Variants in STARD13 observed in about 807,000 individuals in gnomAD.
The protein encoded by STARD13 is StAR related lipid transfer domain containing 13.
A neutral mutation model predicts 106.4 loss-of-function variants in STARD13; 62 were observed. The ratio of observed to expected loss-of-function variants is 0.58; its 90% CI spans 0.48 to 0.72. The LOEUF is 0.72. Among genes scored for constraint, STARD13 ranks in the 30% least tolerant of loss-of-function variants. The pLI, the probability that STARD13 is intolerant of heterozygous loss-of-function variation, is 0.00. For synonymous variants in STARD13, 565 were observed against 553.0 expected (o/e 1.02, Z -0.31); for missense variants, 1,387 against 1,424.0 (o/e 0.97, Z 0.42).
the STARD13 span, among the ~76,000 whole-genome samples, chr13:33,361,108 A>AT: frequency 2.0e-5 from 3 of 149,934 alleles, no homozygotes; most frequent in Non-Finnish European, 3.0e-5. Flanking sequence ...CCTGGCCTGG[A>AT]TTTTTTTTCA....
the STARD13 span, among the ~76,000 whole-genome samples, chr13:33,476,847 C>T: frequency 6.6e-6 from 1 of 152,212 alleles, no homozygotes; most frequent in Non-Finnish European, 1.5e-5. Flanking sequence ...CTGAAAAAGA[C>T]ACTGACTCCT....
Position 33,293,557 on chromosome 13 carries a change from C to T in STARD13, c.124+56733G>A, listed in dbSNP as rs1594228749. Among the ~76,000 whole-genome samples, 4 of 152,206 alleles carry T rather than the reference C, an allele frequency of 2.6e-5. 1 individual carries two copies. Among genetic ancestry groups the T allele is most frequent in the Admixed American group, 2.6e-4 (4 of 15,278 alleles). ...GCCTTAAATACTGTGATGGTTAATA[C>T]TGAGTGTCAACTTGACTGGATTTAA... On this transcript the variant is annotated intron_variant, in intron 1 of 5. Transcript: ENST00000567873.
the STARD13 span, among the ~76,000 whole-genome samples, chr13:33,449,141 C>T: frequency 6.7e-6 from 1 of 150,354 alleles, no homozygotes; most frequent in Admixed American, 6.6e-5. Context: ...GTTGCCTATG[C>T]TTTTGAAGTT....
intron 4 of STARD13, among the ~76,000 whole-genome samples, chr13:33,131,182 G>T (rs1454498958): frequency 1.6e-4 from 25 of 152,188 alleles, no homozygotes; most frequent in Admixed American, 1.6e-3. Flanking sequence ...TTGACCTAGA[G>T]CATATCATTT....
At chr13:33,606,974 C>A in the STARD13 span, among the ~76,000 whole-genome samples, 1 of 152,198 alleles carries the variant, frequency 6.6e-6, no homozygotes, top group Non-Finnish European at 1.5e-5. Context: ...CCGGGTTAAT[C>A]TCTTTGTTTA....
upstream of STARD13, among the ~76,000 whole-genome samples, chr13:33,287,634 A>G (rs920572516): frequency 6.6e-6 from 1 of 152,178 alleles, no homozygotes; most frequent in African/African-American, 2.4e-5. Flanking sequence ...CATATTGCAA[A>G]GTTGGCTGCC....
At chr13:33,236,668 AT>A (rs1889205443) in intron 1 of STARD13, among the ~76,000 whole-genome samples, 1 of 152,182 alleles carries the variant, frequency 6.6e-6, no homozygotes, top group Non-Finnish European at 1.5e-5. Context: ...AATCCTTATT[AT>A]CTTGAGTCCT....
intron 8 of STARD13, chr13:33,113,237 T>G: frequency 2.3e-6 from 1 of 427,724 alleles, no homozygotes; most frequent in Non-Finnish European, 4.3e-6. Context: ...ATCAACCCAC[T>G]CACCTGCTTT....
At chr13:33,471,638 T>G in the STARD13 span, among the ~76,000 whole-genome samples, 1 of 152,022 alleles carries the variant, frequency 6.6e-6, no homozygotes, top group Non-Finnish European at 1.5e-5. Context: ...CCCCTGTTTT[T>G]TTTTTTTTTT....
intron 1 of STARD13, chr13:33,279,468 T>C (rs1197896275): frequency 1.3e-5 from 2 of 152,238 alleles, no homozygotes; most frequent in Non-Finnish European, 2.9e-5. Context: ...AAGCTAAAGT[T>C]ACAGAACCCA....
chr13:33,327,774 G>A (rs2077793147), intron 1 of STARD13, among the ~76,000 whole-genome samples: 1 of 152,212 alleles, frequency 6.6e-6, no homozygotes, highest in Non-Finnish European at 1.5e-5. Flanking sequence ...TGGTAAAGGT[G>A]CTACATTTAT....
chr13:33,480,433 A>G, the STARD13 span, among the ~76,000 whole-genome samples: 1 of 152,194 alleles, frequency 6.6e-6, no homozygotes, highest in Non-Finnish European at 1.5e-5. Flanking sequence ...ATGAATATTA[A>G]GTGTTTCTGG....
chr13:33,423,074 C>A, the STARD13 span, among the ~76,000 whole-genome samples: 363 of 152,284 alleles, frequency 2.4e-3, 2 homozygotes, highest in African/African-American at 8.6e-3. Flanking sequence ...GCAATGGCGA[C>A]AAAAGCCAAA....
chr13:33,428,599 TA>T, the STARD13 span, among the ~76,000 whole-genome samples: 1 of 151,688 alleles, frequency 6.6e-6, no homozygotes, highest in Non-Finnish European at 1.5e-5. Flanking sequence ...GAGGTGAAAA[TA>T]AAAAACACAA....
chr13:33,325,201 C>T (rs9537203), intron 1 of STARD13, among the ~76,000 whole-genome samples: 92,268 of 151,966 alleles, frequency 0.61, 29,595 homozygotes, highest in East Asian at 0.94. Flanking sequence ...TTTAGTGTAG[C>T]CAACACTACT....
chr13:33,325,869 C>G (rs2077768452), intron 1 of STARD13, among the ~76,000 whole-genome samples: 1 of 151,718 alleles, frequency 6.6e-6, no homozygotes, highest in African/African-American at 2.4e-5. Context: ...CCTGTAGTCC[C>G]AGCTACTTGG....
the STARD13 span, among the ~76,000 whole-genome samples, chr13:33,570,064 AT>A: frequency 1.0e-4 from 15 of 147,668 alleles, 2 homozygotes; most frequent in Admixed American, 8.4e-4. Context: ...ACAAAAACTA[AT>A]GAAATACAAA....
intron 7 of STARD13, among the ~76,000 whole-genome samples, chr13:33,123,730 T>G (rs182561320): frequency 6.6e-6 from 1 of 151,920 alleles, no homozygotes; most frequent in Admixed American, 6.5e-5. Flanking sequence ...CATGCAGGAG[T>G]GTGGAAGACA....
chr13:33,495,218 TACCTGTCA>T, the STARD13 span, among the ~76,000 whole-genome samples: 1 of 152,244 alleles, frequency 6.6e-6, no homozygotes, highest in Non-Finnish European at 1.5e-5. Flanking sequence ...CTTGTGATTG[TACCTGTCA>T]ATTAAAAAAC....
Sources: gnomAD v4.1 joint callset for allele counts (sites outside exome capture counted in the v4.1 genomes callset) on GRCh38, gnomAD v4.1.1 for gene constraint, MANE v1.5 for transcripts, NCBI Gene and HGNC (gene_info 2026-07-23, HGNC 2026-07-21) for gene names.